TNKS2: variants seen among roughly 807,000 people sequenced by gnomAD.
TNKS2 encodes poly [ADP-ribose] polymerase tankyrase-2.
In TNKS2, 72 loss-of-function variants were observed where a neutral mutation model predicts 137.6. The ratio of observed to expected loss-of-function variants is 0.52; its 90% CI spans 0.43 to 0.64. The LOEUF is 0.64. Among genes scored for constraint, TNKS2 ranks in the 30% least tolerant of loss-of-function variants. The probability of loss-of-function intolerance (pLI) is 0.00; values close to 1 mark genes in which losing one functional copy is unlikely to be tolerated. For missense variants in TNKS2, 1,049 were observed against 1,410.2 expected, an observed-to-expected ratio of 0.74 and a Z score of 4.10; for synonymous variants, 516 against 512.1, an observed-to-expected ratio of 1.01 and a Z score of -0.10.
Position 91,822,308 on chromosome 10 carries a change from A to G in TNKS2, c.741A>G (p.Pro247=). Residue 247 remains proline, a synonymous_variant, in exon 7 of 27, where the codon CCA becomes CCG. Transcript: ENST00000371627. ...VHAKDKGDLV[P]LHNACSYGHY... ...CTTCTCATTGTAGTGATCTGGTACC[A>G]TTACACAATGCCTGTTCTTATGGTC... is the stretch of plus-strand genomic sequence containing the variant. 1.2e-6 allele frequency: 2 copies of G among 1,613,492 alleles called. No homozygotes were observed. The highest frequency in any genetic ancestry group is 1.7e-5 in the Admixed American group (1 of 60,014).
In TNKS2 at chr10:91,849,548, G is replaced by A. The variant is rs758513808; in HGVS notation, c.2648G>A (p.Arg883Lys). The change falls in exon 20 of 27, where the codon AGG (arginine) becomes AAG (lysine). Residue 883 changes from arginine (R) to lysine (K), a missense_variant. This residue lies in a region of TNKS2 where 208 missense variants were observed against 231.2 expected (regional missense o/e 0.90). Transcript: ENST00000371627. The part of the protein sequence containing the change: ...GVDFSITQFV[R>K]NLGLEHLMDI... ...GATTTTAGCATAACTCAATTCGTAA[G>A]GAATCTTGGACTTGAGCACCTAATG... is the stretch of plus-strand genomic sequence containing the variant. 6.2e-7 allele frequency: 1 copy of A among 1,612,178 alleles called. No homozygotes were observed.
rs2133575825 is a variant in TNKS2 at position 91,798,477 on chromosome 10, T to C, written c.-214T>C. The stretch of plus-strand genomic sequence containing the variant: ...ACCCGGACGGCGGATTCGCGCTGCC[T>C]CCGCCGCCGCGGGGCAGCCGGGGGG... On this transcript the variant is annotated 5_prime_UTR_variant, in exon 1 of 27. Coordinates refer to ENST00000371627, the MANE Select transcript of TNKS2 (RefSeq NM_025235.4). 1 of 416,064 alleles carries C rather than the reference T, an allele frequency of 2.4e-6. No homozygotes were observed. The highest frequency in any genetic ancestry group is 3.7e-6 in the Non-Finnish European group (1 of 266,970). The allele number at this position is 416,064 out of a possible 1,614,324, so 25.8% of individuals were successfully genotyped here.
At chr10:91,800,239 T>C (rs1319094858) in intron 1 of TNKS2, among the ~76,000 whole-genome samples, 3 of 152,162 alleles carry the variant, frequency 2.0e-5, no homozygotes, top group Non-Finnish European at 4.4e-5. Flanking sequence ...GAAATTTCGG[T>C]GGTAAGTGCT....
At chr10:91,837,113 G>A (rs1029745351) in intron 13 of TNKS2, 115 bp downstream of exon 13, 1 of 939,918 alleles carries the variant, frequency 1.1e-6, no homozygotes, top group Admixed American at 3.4e-5. Context: ...TGCCTTAAAA[G>A]GTCAATAATA....
At chr10:91,810,913 T>TTCTTC (rs1844477401) in intron 1 of TNKS2, among the ~76,000 whole-genome samples, 2 of 111,150 alleles carry the variant, frequency 1.8e-5, no homozygotes, top group African/African-American at 8.2e-5. Context: ...TTTCTCTCTT[T>TTCTTC]TCTTTTCTTT....
intron 1 of TNKS2, among the ~76,000 whole-genome samples, chr10:91,810,101 G>A (rs980177123): frequency 2.0e-5 from 3 of 151,896 alleles, no homozygotes; most frequent in Admixed American, 2.0e-4. Flanking sequence ...AATCTGACTG[G>A]GCCCAGTGCG....
intron 7 of TNKS2, 141 bp from the exon 8 acceptor site, chr10:91,826,876 C>A: frequency 1.4e-6 from 1 of 730,832 alleles, no homozygotes; most frequent in Non-Finnish European, 1.9e-6. Context: ...AAAATGTATA[C>A]TCATTCTGAA....
chr10:91,821,775 T>G (rs1403142692), intron 6 of TNKS2, among the ~76,000 whole-genome samples: 2 of 152,046 alleles, frequency 1.3e-5, no homozygotes, highest in Admixed American at 6.6e-5. Context: ...GGGAGGGAAA[T>G]CTATACCCAG....
chr10:91,843,583 G>A (rs1174347831), intron 16 of TNKS2, among the ~76,000 whole-genome samples: 2 of 152,126 alleles, frequency 1.3e-5, no homozygotes, highest in Non-Finnish European at 2.9e-5. Flanking sequence ...GTGTACCTTT[G>A]TTTTCAGTGC....
At chr10:91,827,629 T>G (rs1394994302) in intron 8 of TNKS2, among the ~76,000 whole-genome samples, 2 of 152,222 alleles carry the variant, frequency 1.3e-5, no homozygotes, top group Non-Finnish European at 2.9e-5. Flanking sequence ...AAGTTCGGTT[T>G]TCTGTCTATA....
At chr10:91,822,104 A>C (rs1379557021) in intron 6 of TNKS2, among the ~76,000 whole-genome samples, 192 bp from the exon 7 acceptor site, 2 of 152,232 alleles carry the variant, frequency 1.3e-5, no homozygotes, top group Admixed American at 1.3e-4. Flanking sequence ...GATTTGAAAG[A>C]GACTTGGGAG....
chr10:91,811,012 A>G (rs911563428), intron 1 of TNKS2, among the ~76,000 whole-genome samples: 2 of 132,730 alleles, frequency 1.5e-5, no homozygotes, highest in Admixed American at 1.8e-4. Context: ...ACTGCAACCT[A>G]TACCTGCCGG....
At chr10:91,824,873 T>C (rs192622457) in intron 7 of TNKS2, among the ~76,000 whole-genome samples, 13 of 152,282 alleles carry the variant, frequency 8.5e-5, no homozygotes, top group Non-Finnish European at 1.2e-4. Flanking sequence ...ACTTTGGTGT[T>C]TACTTCTTGT....
intron 23 of TNKS2, among the ~76,000 whole-genome samples, chr10:91,856,816 C>T (rs1194328094): frequency 6.6e-6 from 1 of 152,118 alleles, no homozygotes; most frequent in Non-Finnish European, 1.5e-5. Flanking sequence ...CAGGTGTGCT[C>T]TAGGAACCAG....
intron 6 of TNKS2, 34 bp from the exon 7 acceptor site, chr10:91,822,262 C>T (rs749036389): frequency 6.4e-7 from 1 of 1,564,998 alleles, no homozygotes; most frequent in Non-Finnish European, 8.7e-7. Flanking sequence ...GAAATCTATA[C>T]TGAAACAGGA....
At chr10:91,841,199 G>A (rs1349097073) in intron 14 of TNKS2, 84 bp from the exon 15 acceptor site, 1 of 1,206,664 alleles carries the variant, frequency 8.3e-7, no homozygotes, top group African/African-American at 1.6e-5. Context: ...TGTAGTTCAA[G>A]AATTATCTTT....
chr10:91,836,677 C>T (rs1019864776), intron 12 of TNKS2: 26 of 985,184 alleles, frequency 2.6e-5, no homozygotes, highest in Admixed American at 6.2e-5. Flanking sequence ...TTGCTTACAT[C>T]ACATTTTATA....
At chr10:91,826,966 T>C in intron 7 of TNKS2, 51 bp from the exon 8 acceptor site, 4 of 1,419,692 alleles carry the variant, frequency 2.8e-6, no homozygotes, top group Non-Finnish European at 3.7e-6. Flanking sequence ...TACGAATAAT[T>C]CTGAATTCTT....
chr10:91,813,973 T>G lies in TNKS2; in HGVS notation c.424+766T>G, dbSNP rs1011861488. Among the ~76,000 whole-genome samples the G allele has an allele frequency of 2.6e-5, 4 of 152,188 alleles. No individual in the cohort carries two copies. The East Asian group carries it at 7.7e-4, about 29-fold the overall frequency. On this transcript the variant is annotated intron_variant, in intron 2 of 26. Transcript: ENST00000371627. Reference sequence around the variant, plus strand: ...TACATGATACTTGATAATAACCAACTTTGTTACTGGTTTATATATTTACTA... The same window carrying G: ...TACATGATACTTGATAATAACCAACGTTGTTACTGGTTTATATATTTACTA...
Sources: allele counts gnomAD v4.1 joint callset (sites outside exome capture counted in the v4.1 genomes callset), GRCh38; gene constraint gnomAD v4.1.1; regional missense constraint gnomAD v4.1.1; transcripts MANE v1.5; gene names NCBI Gene and HGNC (gene_info 2026-07-23, HGNC 2026-07-21).